MAP3K7: variants seen among roughly 807,000 people sequenced by gnomAD.
MAP3K7 encodes the protein mitogen-activated protein kinase kinase kinase 7, also known as TGF-beta activated kinase 1.
A neutral mutation model predicts 84.8 loss-of-function variants in MAP3K7; 21 were observed. The ratio of observed to expected loss-of-function variants is 0.25; its 90% CI spans 0.18 to 0.36. MAP3K7 has a LOEUF of 0.36. MAP3K7 is among the 10% of genes least tolerant of loss of function. The pLI is 1.00. For missense variants in MAP3K7, 503 were observed against 747.7 expected, an observed-to-expected ratio of 0.67 and a Z score of 3.82; for synonymous variants, 241 against 247.7, an observed-to-expected ratio of 0.97 and a Z score of 0.25.
At chr6:90,525,116 A>C (rs1209779267) in intron 13 of MAP3K7, among the ~76,000 whole-genome samples, 1 of 152,120 alleles carries the variant, frequency 6.6e-6, no homozygotes, top group Non-Finnish European at 1.5e-5. Context: ...ATTTAAAAAA[A>C]AATCAGATTG....
In MAP3K7 at chr6:90,586,750, C is replaced by A; in HGVS notation, c.120+14G>T. On this transcript the variant is annotated intron_variant, in intron 1 of 16. Coordinates refer to ENST00000369329, the MANE Select transcript of MAP3K7 (RefSeq NM_145331.3). ...CAGGCCGGGACCGGCGTCTCCATGC[C>A]GGGCCTCGCTCACCTCTTCCACCTC... 2 of 1,573,674 alleles carry A rather than the reference C, an allele frequency of 1.3e-6. No individual in the cohort carries two copies.
chr6:90,575,182 A>AAT (rs1777032716), intron 1 of MAP3K7, among the ~76,000 whole-genome samples: 1 of 152,192 alleles, frequency 6.6e-6, no homozygotes, highest in African/African-American at 2.4e-5. Flanking sequence ...GAGAAGAAAA[A>AAT]ATATATATAA....
At chr6:90,581,385 C>G (rs551109694) in intron 1 of MAP3K7, among the ~76,000 whole-genome samples, 1 of 152,086 alleles carries the variant, frequency 6.6e-6, no homozygotes, top group African/African-American at 2.4e-5. Flanking sequence ...AAATGCGGAA[C>G]AAGACAGAAC....
intron 13 of MAP3K7, among the ~76,000 whole-genome samples, chr6:90,525,430 C>CCT (rs1445000494): frequency 2.0e-5 from 3 of 152,116 alleles, no homozygotes; most frequent in African/African-American, 7.2e-5. Flanking sequence ...CCCAAGTGAC[C>CCT]CTCTTGCCTC....
chr6:90,576,867 G>T (rs1193450459), intron 1 of MAP3K7, among the ~76,000 whole-genome samples: 1 of 152,158 alleles, frequency 6.6e-6, no homozygotes, highest in East Asian at 1.9e-4. Context: ...TGATTGTAAG[G>T]TAAGGCTGGA....
intron 9 of MAP3K7, among the ~76,000 whole-genome samples, 172 bp from the exon 10 acceptor site, chr6:90,548,349 G>C (rs1418796497): frequency 6.6e-6 from 1 of 152,008 alleles, no homozygotes; most frequent in Non-Finnish European, 1.5e-5. Flanking sequence ...AGAAACTTAA[G>C]GATAGCACAA....
chr6:90,566,617 C>A (rs182520507), intron 3 of MAP3K7, among the ~76,000 whole-genome samples: 1 of 152,204 alleles, frequency 6.6e-6, no homozygotes, highest in African/African-American at 2.4e-5. Flanking sequence ...GAATCAATAT[C>A]GTGAAAATGG....
intron 1 of MAP3K7, among the ~76,000 whole-genome samples, chr6:90,584,992 C>G (rs962439496): frequency 2.6e-5 from 4 of 152,148 alleles, no homozygotes; most frequent in Non-Finnish European, 5.9e-5. Flanking sequence ...TACAGGTCTT[C>G]TTTTAGCCAT....
rs1775421026 is a variant in MAP3K7, at chr6:90,529,232, CT to C, written c.1357-5450del. Among the ~76,000 whole-genome samples the C allele has an allele frequency of 5.3e-5, 8 of 152,308 alleles. No homozygotes were observed. The South Asian group carries it at 1.7e-3, about 32-fold the overall frequency. On this transcript the variant is annotated intron_variant, in intron 13 of 16. Coordinates refer to ENST00000369329, the MANE Select transcript of MAP3K7 (RefSeq NM_145331.3). ...TCTCCTCTTAAAATTCCTCATGCCC[CT>C]GTTTCCCTTGCAGTTTTTAATCCTG...
Position 90,586,926 on chromosome 6 carries a change from G to C in MAP3K7, c.-43C>G. ...GGTGGGGCCGGGAACGGTGCCACCCGGACAATCCGGGTGAGACCCGCGCCC... is the reference window on the plus strand; with the variant it reads ...GGTGGGGCCGGGAACGGTGCCACCCCGACAATCCGGGTGAGACCCGCGCCC... On this transcript the variant is annotated 5_prime_UTR_variant, in exon 1 of 17. Coordinates refer to ENST00000369329, the MANE Select transcript of MAP3K7 (RefSeq NM_145331.3). 1 of 1,565,642 alleles carries C rather than the reference G, an allele frequency of 6.4e-7. No individual in the cohort carries two copies. Among genetic ancestry groups the C allele is most frequent in the Non-Finnish European group, 8.6e-7 (1 of 1,162,490 alleles).
At chr6:90,560,254 A>G in intron 4 of MAP3K7, 40 bp from the exon 5 acceptor site, 3 of 1,610,798 alleles carry the variant, frequency 1.9e-6, no homozygotes, top group Non-Finnish European at 2.5e-6. Context: ...ACTTTATTGC[A>G]TATAACAAAA....
intron 16 of MAP3K7, among the ~76,000 whole-genome samples, chr6:90,516,957 T>C (rs1774985723): frequency 6.6e-6 from 1 of 151,980 alleles, no homozygotes; most frequent in African/African-American, 2.4e-5. Flanking sequence ...TTTCATTTTC[T>C]ATCCTCTTTT....
intron 7 of MAP3K7, 60 bp from the exon 8 acceptor site, chr6:90,552,239 C>T: frequency 7.0e-7 from 1 of 1,438,766 alleles, no homozygotes; most frequent in Non-Finnish European, 9.6e-7. Context: ...ATGATGCAAA[C>T]TCTTTGTACG....
At chr6:90,532,532 T>C (rs189272933) in intron 13 of MAP3K7, among the ~76,000 whole-genome samples, 7 of 152,310 alleles carry the variant, frequency 4.6e-5, no homozygotes, top group African/African-American at 1.7e-4. Context: ...ATAAAGTCCA[T>C]ATGGAAATGT....
At position 90,553,084 on chromosome 6, in the gene MAP3K7, A is replaced by G. The variant is rs767738881; in HGVS notation, c.736+374T>C. ...CTTGCTTCTTCAGGAGAAAAGGGCT[A>G]TAACTCTCCAGTTATATTAACCATG... On this transcript the variant is annotated intron_variant, in intron 7 of 16. Coordinates refer to ENST00000369329, the MANE Select transcript of MAP3K7 (RefSeq NM_145331.3). 5.9e-5 allele frequency among the ~76,000 whole-genome samples: 9 copies of G among 152,356 alleles called. No individual in the cohort carries two copies. In the East Asian group the frequency reaches 9.6e-4, roughly 16 times the overall value.
chr6:90,522,147 C>A (rs990105999), intron 14 of MAP3K7, among the ~76,000 whole-genome samples: 4 of 152,024 alleles, frequency 2.6e-5, no homozygotes, highest in Non-Finnish European at 4.4e-5. Flanking sequence ...AAGGCAAAGA[C>A]AAAATTCAGC....
intron 7 of MAP3K7, among the ~76,000 whole-genome samples, chr6:90,553,109 G>A (rs1265241178): frequency 6.6e-6 from 1 of 152,164 alleles, no homozygotes; most frequent in Non-Finnish European, 1.5e-5. Context: ...TATTAACCAT[G>A]TCAGAGATTT....
intron 10 of MAP3K7, among the ~76,000 whole-genome samples, chr6:90,547,806 G>C (rs1015632819): frequency 3.3e-5 from 5 of 152,112 alleles, no homozygotes; most frequent in African/African-American, 9.7e-5. Context: ...ATTACATTTA[G>C]GGATTATTAT....
At chr6:90,527,440 A>T (rs1582167175) in intron 13 of MAP3K7, among the ~76,000 whole-genome samples, 1 of 151,706 alleles carries the variant, frequency 6.6e-6, no homozygotes, top group South Asian at 2.1e-4. Flanking sequence ...TTTTAAAAAA[A>T]ATTTGTGTAG....
Sources: gnomAD v4.1 joint callset for allele counts (sites outside exome capture counted in the v4.1 genomes callset) on GRCh38, gnomAD v4.1.1 for gene constraint, MANE v1.5 for transcripts, NCBI Gene and HGNC (gene_info 2026-07-23, HGNC 2026-07-21) for gene names.